FANCD2: variants seen among roughly 807,000 people sequenced by gnomAD.
FANCD2 encodes Fanconi anemia group D2 protein.
FANCD2 carries 131 observed loss-of-function variants against 192.3 expected under a neutral mutation model. The observed-to-expected ratio is 0.68, with a 90% CI of 0.59 to 0.79. The LOEUF (loss-of-function observed/expected upper bound fraction) is 0.79, where lower values mean the gene tolerates loss of function less well. FANCD2 is among the 30% of genes least tolerant of loss of function. FANCD2 has a pLI of 0.00. For synonymous variants in FANCD2, 524 were observed against 612.5 expected (o/e 0.86, Z 2.13); for missense variants, 1,508 against 1,701.6 (o/e 0.89, Z 2.00).
chr3:10,042,520 C>G (rs762983378), intron 10 of FANCD2, 39 bp from the exon 11 acceptor site: 11 of 1,448,256 alleles, frequency 7.6e-6, no homozygotes, highest in Non-Finnish European at 1.1e-5. Context: ...GAGGTAGTGA[C>G]ATGAAAACCT....
intron 38 of FANCD2, 27 bp from the exon 39 acceptor site, chr3:10,093,258 T>G: frequency 6.2e-7 from 1 of 1,606,226 alleles, no homozygotes; most frequent in Non-Finnish European, 8.5e-7. Flanking sequence ...GATCTCAGCC[T>G]TGGTTTCTTG....
intron 2 of FANCD2, among the ~76,000 whole-genome samples, chr3:10,029,626 C>T (rs748760473): frequency 1.2e-4 from 19 of 152,062 alleles, no homozygotes; most frequent in Non-Finnish European, 2.8e-4. Flanking sequence ...AGGTGGTGTT[C>T]GGTTACATAA....
intron 18 of FANCD2, 77 bp downstream of exon 18, chr3:10,052,574 G>T (rs2087250633): frequency 1.0e-6 from 1 of 962,040 alleles, no homozygotes; most frequent in Non-Finnish European, 1.7e-6. Context: ...CTGGAGTGCA[G>T]TTGGCACGAT....
Position 10,026,468 on chromosome 3 carries a change from T to A in FANCD2, c.-39T>A, listed in dbSNP as rs2086452206. 1 of 468,854 alleles carries A rather than the reference T, an allele frequency of 2.1e-6. No individual in the cohort carries two copies. Among genetic ancestry groups the A allele is most frequent in the South Asian group, 8.7e-5 (1 of 11,442 alleles). 29.0% of individuals were successfully genotyped at this position (468,854 alleles called of 1,614,324 possible). On this transcript the variant is annotated 5_prime_UTR_variant, in exon 1 of 44. Transcript: ENST00000675286. ...GTCGAAAACTACGGGCGGCGACGGC[T>A]TCTCGGTGAGTAAGTGGAGCAATGG...
intron 16 of FANCD2, 147 bp from the exon 17 acceptor site, chr3:10,049,227 A>G: frequency 1.2e-6 from 1 of 847,058 alleles, no homozygotes; most frequent in Admixed American, 1.9e-5. Context: ...TGAAGCCAAC[A>G]TTAATGAAAA....
At chr3:10,060,473 T>A in intron 19 of FANCD2, 70 bp downstream of exon 19, 1 of 1,142,156 alleles carries the variant, frequency 8.8e-7, no homozygotes, top group South Asian at 1.3e-5. Flanking sequence ...TTACATCTCA[T>A]AGACATCATT....
intron 30 of FANCD2, among the ~76,000 whole-genome samples, chr3:10,078,738 C>T (rs959680356): frequency 1.1e-4 from 16 of 151,886 alleles, no homozygotes; most frequent in South Asian, 4.2e-4. Context: ...CCAAGGAGGG[C>T]AGATCACTTG....
rs1255193117 is a variant in FANCD2 at position 10,072,863 on chromosome 3, T to C, written c.2495-8T>C. The C allele has an allele frequency of 6.7e-7, 1 of 1,492,370 alleles. No individual in the cohort carries two copies. The highest frequency in any genetic ancestry group is 9.3e-7 in the Non-Finnish European group (1 of 1,070,374). The allele number at this position is 1,492,370 out of a possible 1,614,324, so 92.4% of individuals were successfully genotyped here. ...ACACATTGAGCTTCAGCCTGCTGTT[T>C]GTTTCAGTCACCCCAGACTATGTCC... On this transcript the variant is annotated splice_region_variant and splice_polypyrimidine_tract_variant and intron_variant, in intron 26 of 43. Coordinates refer to ENST00000675286, the MANE Select transcript of FANCD2 (RefSeq NM_001018115.3).
intron 18 of FANCD2, chr3:10,058,261 C>T (rs2087470375): frequency 5.2e-6 from 1 of 190,590 alleles, no homozygotes; most frequent in African/African-American, 2.4e-5. Flanking sequence ...GAACAAAAAT[C>T]TTCTTACCTT....
intron 18 of FANCD2, among the ~76,000 whole-genome samples, chr3:10,060,006 A>G (rs902814610): frequency 1.7e-4 from 26 of 151,948 alleles, no homozygotes; most frequent in Admixed American, 1.7e-3. Context: ...CATCTCTACT[A>G]AAAATACAAA....
At chr3:10,046,483 T>C (rs2087014656) in intron 14 of FANCD2, 97 bp from the exon 15 acceptor site, 6 of 1,564,524 alleles carry the variant, frequency 3.8e-6, no homozygotes, top group Admixed American at 3.7e-5. Flanking sequence ...GCATTATCCA[T>C]TCTGTGTTTT....
chr3:10,061,072 C>A (rs2087554964), intron 19 of FANCD2, among the ~76,000 whole-genome samples: 1 of 152,292 alleles, frequency 6.6e-6, no homozygotes, highest in Non-Finnish European at 1.5e-5. Flanking sequence ...ACATGCAGCC[C>A]TCCTGCGCCC....
At chr3:10,060,474 A>G (rs1453275505) in intron 19 of FANCD2, 71 bp downstream of exon 19, 2 of 1,143,786 alleles carry the variant, frequency 1.7e-6, no homozygotes, top group Non-Finnish European at 2.6e-6. Context: ...TACATCTCAT[A>G]GACATCATTT....
At position 10,065,930 on chromosome 3, in the gene FANCD2, G is replaced by C. The variant is rs377083479; in HGVS notation, c.2336G>C (p.Arg779Pro). Residue 779 changes from arginine (R) to proline (P), a missense_variant, in exon 25 of 44, where the codon CGT becomes CCT. Transcript: ENST00000675286. ...EKLESMSAKE[R>P]SFMCSLIFLT... Reference sequence around the variant, plus strand: ...TTGGAGTCCATGTCTGCTAAAGAGCGTTCATTCATGTGTTCTCTCATATTT... The same window carrying C: ...TTGGAGTCCATGTCTGCTAAAGAGCCTTCATTCATGTGTTCTCTCATATTT... 1 of 1,613,394 alleles carries C rather than the reference G, an allele frequency of 6.2e-7. No homozygotes were observed. Among genetic ancestry groups the C allele is most frequent in the South Asian group, 1.1e-5 (1 of 91,072 alleles).
chr3:10,070,042 G>A (rs1353296815), intron 26 of FANCD2, among the ~76,000 whole-genome samples: 2 of 142,368 alleles, frequency 1.4e-5, no homozygotes, highest in African/African-American at 5.3e-5. Context: ...GCCACCCATC[G>A]TCTGAGATGT....
At position 10,035,083 on chromosome 3, in the gene FANCD2, A is replaced by G. The variant is rs1375511122; in HGVS notation, c.378-90A>G. On this transcript the variant is annotated intron_variant, in intron 5 of 43. Coordinates refer to ENST00000675286, the MANE Select transcript of FANCD2 (RefSeq NM_001018115.3). ...ACAGGGTAGTTCCTCTTTAAATATT[A>G]TGTATTTAACCAATTTTATTGAGAA... 4 of 1,076,888 alleles carry G rather than the reference A, an allele frequency of 3.7e-6. No homozygotes were observed. The Admixed American group carries it at 5.5e-5, about 15-fold the overall frequency. 66.7% of individuals were successfully genotyped at this position (1,076,888 alleles called of 1,614,324 possible). A position where few individuals can be genotyped will look rare whatever the true frequency, so the allele number is the denominator to read the frequency against.
At chr3:10,038,177 A>G (rs1049058975) in intron 7 of FANCD2, among the ~76,000 whole-genome samples, 1 of 152,100 alleles carries the variant, frequency 6.6e-6, no homozygotes, top group Non-Finnish European at 1.5e-5. Context: ...TTTTTAGTAG[A>G]TATGAGGTTT....
chr3:10,099,382 T>A, intron 43 of FANCD2: 4 of 1,112,758 alleles, frequency 3.6e-6, no homozygotes, highest in Non-Finnish European at 4.4e-6. Context: ...TAGCACTTTT[T>A]GAGGCCAAGG....
intron 8 of FANCD2, 45 bp from the exon 9 acceptor site, chr3:10,039,672 CTTTA>C (rs1375887010): frequency 1.2e-6 from 2 of 1,610,476 alleles, no homozygotes; most frequent in African/African-American, 2.7e-5. Flanking sequence ...GGTAGTCTTT[CTTTA>C]TTCTGGGTAA....
Sources: gnomAD v4.1 joint callset for allele counts (sites outside exome capture counted in the v4.1 genomes callset) on GRCh38, gnomAD v4.1.1 for gene constraint, MANE v1.5 for transcripts, NCBI Gene and HGNC (gene_info 2026-07-23, HGNC 2026-07-21) for gene names.